Variants in GRB10 observed in about 807,000 individuals in gnomAD.
GRB10 encodes growth factor receptor bound protein 10.
Under a neutral mutation model 80.9 loss-of-function variants are expected in GRB10, and 20 were observed. The observed-to-expected ratio is 0.25, with a 90% CI of 0.17 to 0.36. The LOEUF is 0.36. Among genes scored for constraint, GRB10 ranks in the 10% least tolerant of loss-of-function variants. The pLI is 1.00. For synonymous variants in GRB10, 291 were observed against 291.5 expected (o/e 1.00, Z 0.02); for missense variants, 548 against 747.7 (o/e 0.73, Z 3.12).
chr7:50,762,374 A>T (rs1307236990), intron 2 of GRB10, among the ~76,000 whole-genome samples: 1 of 151,732 alleles, frequency 6.6e-6, no homozygotes, highest in Non-Finnish European at 1.5e-5. Context: ...CAGAAGGGTT[A>T]GAAATGCACC....
intron 4 of GRB10, among the ~76,000 whole-genome samples, chr7:50,704,813 C>T (rs1219625596): frequency 6.6e-6 from 1 of 152,228 alleles, no homozygotes; most frequent in African/African-American, 2.4e-5. Flanking sequence ...CTCCCTCTGC[C>T]AAGCGGGGCT....
chr7:50,641,777 C>G (rs2056309893), intron 7 of GRB10, among the ~76,000 whole-genome samples: 1 of 152,204 alleles, frequency 6.6e-6, no homozygotes, highest in Non-Finnish European at 1.5e-5. Flanking sequence ...GCTGGTGACA[C>G]TGGCGAGAGA....
chr7:50,633,288 C>T (rs1001207570), intron 7 of GRB10, among the ~76,000 whole-genome samples: 1 of 152,182 alleles, frequency 6.6e-6, no homozygotes, highest in African/African-American at 2.4e-5. Context: ...AACCACTACA[C>T]TAAAGCTATC....
chr7:50,769,853 C>T (rs1323362614), intron 2 of GRB10, among the ~76,000 whole-genome samples: 1 of 152,174 alleles, frequency 6.6e-6, no homozygotes, highest in Non-Finnish European at 1.5e-5. Context: ...GATTAACACT[C>T]CTTTGTTCCA....
chr7:50,629,591 CAG>C (rs879537324), intron 7 of GRB10, among the ~76,000 whole-genome samples: 9 of 152,196 alleles, frequency 5.9e-5, no homozygotes, highest in African/African-American at 9.7e-5. Flanking sequence ...GACCCAGAGA[CAG>C]AACACCAAGA....
chr7:50,726,113 G>C (rs1013879552), intron 4 of GRB10: 1 of 152,234 alleles, frequency 6.6e-6, no homozygotes, highest in Non-Finnish European at 1.5e-5. Flanking sequence ...AATAACACAG[G>C]CTGGGTGCAG....
At chr7:50,722,352 A>T (rs1234606463) in intron 4 of GRB10, among the ~76,000 whole-genome samples, 1 of 152,168 alleles carries the variant, frequency 6.6e-6, no homozygotes, top group East Asian at 1.9e-4. Context: ...CCCCAGGGTA[A>T]CCCCGCCTGG....
chr7:50,621,106 C>T (rs1290445711), intron 8 of GRB10, among the ~76,000 whole-genome samples: 1 of 152,230 alleles, frequency 6.6e-6, no homozygotes, highest in Non-Finnish European at 1.5e-5. Flanking sequence ...AAGAGGATGC[C>T]TGGGGCAGCC....
At chr7:50,725,179 A>G (rs2068422112) in intron 4 of GRB10, among the ~76,000 whole-genome samples, 1 of 152,190 alleles carries the variant, frequency 6.6e-6, no homozygotes, top group Admixed American at 6.5e-5. Context: ...AGGTGACGGG[A>G]TCACAGGGGC....
intron 3 of GRB10, among the ~76,000 whole-genome samples, chr7:50,746,690 T>C (rs975918639): frequency 6.6e-6 from 1 of 152,136 alleles, no homozygotes; most frequent in Non-Finnish European, 1.5e-5. Flanking sequence ...CCTACTGCCC[T>C]AAACCTCCCA....
chr7:50,595,036 C>G (rs181549351), intron 18 of GRB10, among the ~76,000 whole-genome samples: 1 of 152,294 alleles, frequency 6.6e-6, no homozygotes, highest in African/African-American at 2.4e-5. Flanking sequence ...CACGTGCTCA[C>G]AGCTGCTGCG....
chr7:50,741,342 T>C (rs1366116233), intron 3 of GRB10, among the ~76,000 whole-genome samples: 4 of 150,556 alleles, frequency 2.7e-5, no homozygotes, highest in Non-Finnish European at 4.4e-5. Context: ...CAAAGAAGAG[T>C]AGTGCATTTT....
chr7:50,627,430 C>G (rs1231512125), intron 7 of GRB10, among the ~76,000 whole-genome samples: 1 of 152,204 alleles, frequency 6.6e-6, no homozygotes, highest in African/African-American at 2.4e-5. Context: ...GACCTGTTCT[C>G]CCAGGGCACA....
chr7:50,610,418 A>G (rs1400409855), intron 13 of GRB10, among the ~76,000 whole-genome samples: 1 of 152,226 alleles, frequency 6.6e-6, no homozygotes, highest in East Asian at 1.9e-4. Context: ...CCAGCCTCCT[A>G]TAAGAATAGT....
intron 5 of GRB10, among the ~76,000 whole-genome samples, chr7:50,694,276 A>G (rs971840686): frequency 6.6e-6 from 1 of 152,212 alleles, no homozygotes; most frequent in Non-Finnish European, 1.5e-5. Context: ...GTGATCCAAG[A>G]TAGTGCCACT....
chr7:50,781,162 A>T (rs1161682444), intron 1 of GRB10: 1 of 152,276 alleles, frequency 6.6e-6, no homozygotes, highest in Non-Finnish European at 1.5e-5. Flanking sequence ...CCTGATTCAC[A>T]GGTCCAGGTA....
intron 13 of GRB10, 48 bp from the exon 14 acceptor site, chr7:50,606,462 C>A (rs773210775): frequency 1.4e-6 from 2 of 1,418,066 alleles, no homozygotes; most frequent in Middle Eastern, 3.6e-4. Flanking sequence ...AGCCCCGAGG[C>A]CCGGCATGTG....
upstream of GRB10, among the ~76,000 whole-genome samples, chr7:50,786,104 T>G (rs2051897): frequency 0.8 from 120,469 of 151,288 alleles, 48,073 homozygotes; most frequent in Middle Eastern, 0.92. Context: ...AATATATATA[T>G]AGAGAGAGAT....
intron 7 of GRB10, among the ~76,000 whole-genome samples, chr7:50,663,341 C>T (rs370355570): frequency 6.6e-6 from 1 of 152,218 alleles, no homozygotes; most frequent in South Asian, 2.1e-4. Flanking sequence ...GAGTAGGAGG[C>T]ATCCCTCCCA....
Sources: gnomAD v4.1 joint callset for allele counts (sites outside exome capture counted in the v4.1 genomes callset) on GRCh38, gnomAD v4.1.1 for gene constraint, MANE v1.5 for transcripts, NCBI Gene and HGNC (gene_info 2026-07-23, HGNC 2026-07-21) for gene names.